LRRFIP2: variants seen among roughly 807,000 people sequenced by gnomAD.
The protein encoded by LRRFIP2 is LRR binding FLII interacting protein 2.
In LRRFIP2, 109 loss-of-function variants were observed where a neutral mutation model predicts 125.9. The observed-to-expected ratio is 0.87, with a 90% confidence interval of 0.74 to 1.01. The LOEUF (loss-of-function observed/expected upper bound fraction) is 1.01. LRRFIP2 is among the 50% of genes least tolerant of loss of function. The pLI is 0.00. For synonymous variants in LRRFIP2, 291 were observed against 293.1 expected, an observed-to-expected ratio of 0.99 and a Z score of 0.07; for missense variants, 850 against 862.3, an observed-to-expected ratio of 0.99 and a Z score of 0.18.
intron 20 of LRRFIP2, among the ~76,000 whole-genome samples, chr3:37,074,189 A>G (rs57060248): frequency 0.012 from 1,783 of 152,316 alleles, 22 homozygotes; most frequent in African/African-American, 0.04. Flanking sequence ...GAAAGAGAGA[A>G]AGAGGGAGAG....
chr3:37,096,730 T>G, intron 15 of LRRFIP2, 70 bp from the exon 16 acceptor site: 1 of 790,596 alleles, frequency 1.3e-6, no homozygotes, highest in South Asian at 1.7e-5. Context: ...AGGAAAAAAG[T>G]GATCTTGAGT....
intron 18 of LRRFIP2, among the ~76,000 whole-genome samples, chr3:37,089,696 GA>G (rs1383811989): frequency 6.6e-6 from 1 of 151,966 alleles, no homozygotes; most frequent in Non-Finnish European, 1.5e-5. Context: ...AACATGAAAG[GA>G]AAAAACGTTT....
intron 8 of LRRFIP2, among the ~76,000 whole-genome samples, chr3:37,111,508 A>C (rs1052742798): frequency 3.3e-5 from 5 of 152,248 alleles, no homozygotes; most frequent in Admixed American, 2.0e-4. Context: ...TGAAAGAGAG[A>C]GTACGATAAA....
chr3:37,073,102 G>A (rs1054661719), intron 20 of LRRFIP2, among the ~76,000 whole-genome samples: 1 of 152,166 alleles, frequency 6.6e-6, no homozygotes, highest in Admixed American at 6.5e-5. Flanking sequence ...AGTAAGCAAA[G>A]GAACCAGGAA....
chr3:37,176,327 G>A (rs1168200702), upstream of LRRFIP2: 4 of 152,312 alleles, frequency 2.6e-5, no homozygotes, highest in South Asian at 2.1e-4. Context: ...CGACTGAGGA[G>A]GCGAAGGATG....
At chr3:37,069,239 G>A (rs747145647) in intron 21 of LRRFIP2, among the ~76,000 whole-genome samples, 1 of 152,132 alleles carries the variant, frequency 6.6e-6, no homozygotes, top group Non-Finnish European at 1.5e-5. Context: ...CCACTTCTGG[G>A]TACATACCGA....
At position 37,164,794 on chromosome 3, in the gene LRRFIP2, C is replaced by T. The variant is rs147844518; in HGVS notation, c.-56+9745G>A. On this transcript the variant is annotated intron_variant, in intron 1 of 27. Coordinates refer to ENST00000336686, the MANE Select transcript of LRRFIP2 (RefSeq NM_006309.4). ...TGGTAGACAAATTCTAAGGTGGTTC[C>T]CCACCCTAATCGCCCTTCCTACTGT... 4.4e-3 allele frequency among the ~76,000 whole-genome samples: 677 copies of T among 152,196 alleles called. 4 individuals are homozygous for T. The highest frequency in any genetic ancestry group is 0.034 in the Middle Eastern group (10 of 294).
chr3:37,066,106 G>A, intron 22 of LRRFIP2, 118 bp downstream of exon 22: 1 of 1,308,546 alleles, frequency 7.6e-7, no homozygotes, highest in Non-Finnish European at 1.1e-6. Flanking sequence ...TACCAAATCT[G>A]GATTAGAGAA....
intron 16 of LRRFIP2, among the ~76,000 whole-genome samples, chr3:37,095,166 G>A (rs901052994): frequency 5.3e-5 from 8 of 152,060 alleles, no homozygotes; most frequent in South Asian, 2.1e-4. Flanking sequence ...AAAGAAAATC[G>A]TTTTTATGAG....
intron 6 of LRRFIP2, among the ~76,000 whole-genome samples, chr3:37,117,922 A>T (rs1489378897): frequency 6.6e-6 from 1 of 152,232 alleles, no homozygotes; most frequent in Non-Finnish European, 1.5e-5. Flanking sequence ...AGAATTAAAC[A>T]GTGTAATAGT....
In LRRFIP2 at chr3:37,112,335, AAAAAAAG is replaced by A. The variant is rs1241852099; in HGVS notation, c.438+573_438+579del. On this transcript the variant is annotated intron_variant, in intron 8 of 27. Transcript: ENST00000336686. ...GGGAGACAGAGCGAGACTCCATCTCAAAAAAAGAAAAAAAAAAAGAAAAGAAAAAAAG... is the reference window on the plus strand; with the variant it reads ...GGGAGACAGAGCGAGACTCCATCTCAAAAAAAAAAAAGAAAAGAAAAAAAG... Among the ~76,000 whole-genome samples, 34 of 143,648 alleles carry A rather than the reference AAAAAAAG, an allele frequency of 2.4e-4. 1 individual carries two copies. Among genetic ancestry groups the A allele is most frequent in the Non-Finnish European group, 4.8e-4 (31 of 65,154 alleles). 94.2% of individuals were successfully genotyped at this position (143,648 alleles called of 152,430 possible).
At chr3:37,101,072 T>C (rs1196786481) in intron 15 of LRRFIP2, among the ~76,000 whole-genome samples, 1 of 152,130 alleles carries the variant, frequency 6.6e-6, no homozygotes, top group Non-Finnish European at 1.5e-5. Context: ...TATTAAGAAA[T>C]GTTGGCTGGG....
chr3:37,098,841 T>C (rs568120503), intron 15 of LRRFIP2, among the ~76,000 whole-genome samples: 82 of 152,306 alleles, frequency 5.4e-4, no homozygotes, highest in Non-Finnish European at 8.7e-4. Context: ...CTTATCTTCC[T>C]GAGTATTTTC....
chr3:37,160,062 C>T (rs1387967396), intron 1 of LRRFIP2, among the ~76,000 whole-genome samples: 1 of 150,762 alleles, frequency 6.6e-6, no homozygotes, highest in Non-Finnish European at 1.5e-5. Flanking sequence ...ACCTCCAGGT[C>T]CCCTTTCCAT....
intron 19 of LRRFIP2, among the ~76,000 whole-genome samples, chr3:37,079,480 T>A (rs922028415): frequency 6.6e-6 from 1 of 152,190 alleles, no homozygotes; most frequent in Non-Finnish European, 1.5e-5. Context: ...CAGTGGCTCA[T>A]GCCTGTAATT....
At chr3:37,063,614 C>A in intron 24 of LRRFIP2, 128 bp downstream of exon 24, 1 of 729,246 alleles carries the variant, frequency 1.4e-6, no homozygotes, top group Non-Finnish European at 2.4e-6. Flanking sequence ...AATTATCTAT[C>A]CTTCATATCT....
intron 2 of LRRFIP2, among the ~76,000 whole-genome samples, chr3:37,132,831 C>T (rs887041171): frequency 6.6e-6 from 1 of 152,166 alleles, no homozygotes; most frequent in African/African-American, 2.4e-5. Context: ...CCTCAGAATA[C>T]AATCAGATAA....
rs1335648883 is a variant in LRRFIP2, at chr3:37,066,280, G to A, written c.1510C>T (p.Arg504Ter). ...GCCAGCTCCTCTCTGAGCATATCTC[G>A]CTCATTCCTAAGGCAGGCAATGTAT... ...KEYIACLRNE[R>*]DMLREELADL... The change falls in exon 22 of 28, where the codon CGA (arginine) becomes TGA (stop). Residue 504 changes from arginine (R) to a stop codon, truncating the protein, a stop_gained. Coordinates refer to ENST00000336686, the MANE Select transcript of LRRFIP2 (RefSeq NM_006309.4). LOFTEE classifies it high-confidence loss of function. 13 of 1,614,052 alleles carry A rather than the reference G, an allele frequency of 8.1e-6. No homozygotes were observed. The highest frequency in any genetic ancestry group is 4.5e-5 in the East Asian group (2 of 44,890).
intron 1 of LRRFIP2, among the ~76,000 whole-genome samples, chr3:37,152,068 T>C (rs989735223): frequency 5.9e-5 from 9 of 152,152 alleles, no homozygotes; most frequent in African/African-American, 2.2e-4. Flanking sequence ...AAAACACAAG[T>C]GCTCATCAAC....
Sources: gnomAD v4.1 joint callset for allele counts (sites outside exome capture counted in the v4.1 genomes callset) on GRCh38, gnomAD v4.1.1 for gene constraint, MANE v1.5 for transcripts, NCBI Gene and HGNC (gene_info 2026-07-23, HGNC 2026-07-21) for gene names.